The following PLSCR2 variants were observed in gnomAD, a reference collection of about 807,000 sequenced individuals.
The protein encoded by PLSCR2 is PL scramblase 2.
PLSCR2 carries 18 observed loss-of-function variants against 25.3 expected under a neutral mutation model. The observed-to-expected ratio is 0.71, with a 90% CI of 0.49 to 1.06. The LOEUF (loss-of-function observed/expected upper bound fraction) is 1.06, where lower values mean the gene tolerates loss of function less well. Among genes scored for constraint, PLSCR2 ranks in the 50% least tolerant of loss-of-function variants. The pLI is 0.00. For missense variants in PLSCR2, 243 were observed against 269.5 expected (o/e 0.90, Z 0.69); for synonymous variants, 88 against 87.3 (o/e 1.01, Z -0.04).
intron 3 of PLSCR2, among the ~76,000 whole-genome samples, chr3:146,394,299 C>T (rs947581304): frequency 6.6e-6 from 1 of 151,668 alleles, no homozygotes; most frequent in African/African-American, 2.4e-5. Context: ...TGGAGTTTCG[C>T]TCTTGTTGTC....
At chr3:146,470,982 G>T (rs560900688) in intron 1 of PLSCR2, among the ~76,000 whole-genome samples, 1 of 152,116 alleles carries the variant, frequency 6.6e-6, no homozygotes, top group Admixed American at 6.5e-5. Flanking sequence ...TAGAGTAAGC[G>T]CTCAGTAAAT....
chr3:146,482,108 T>TA (rs1410777339), intron 1 of PLSCR2, among the ~76,000 whole-genome samples: 12 of 152,012 alleles, frequency 7.9e-5, no homozygotes, highest in African/African-American at 2.9e-4. Flanking sequence ...ATTTTAGACC[T>TA]AAACCATAAA....
exon 2 of PLSCR2, chr3:146,460,004 G>A: frequency 1.9e-6 from 3 of 1,611,094 alleles, no homozygotes; most frequent in East Asian, 2.2e-5. Flanking sequence ...CTGGGTAGAA[G>A]GCCTGGGAGC....
In PLSCR2 at chr3:146,433,299, T is replaced by C. The variant is rs1345056353; in HGVS notation, c.*253A>G. 8 of 152,172 alleles carry C rather than the reference T, an allele frequency of 5.3e-5. No individual in the cohort carries two copies. In the East Asian group the frequency reaches 1.3e-3, roughly 26 times the overall value. The allele number at this position is 152,172 out of a possible 1,614,324, so 9.4% of individuals were successfully genotyped here. A position where few individuals can be genotyped will look rare whatever the true frequency, so the allele number is the denominator to read the frequency against. ...AATTCAAATTAAGCCTTTTTTGCAA[T>C]ACCTAGTATTTTTATTAATTAACTT... On this transcript the variant is annotated 3_prime_UTR_variant, in exon 9 of 9. Transcript: ENST00000336685.
chr3:146,439,992 C>T (rs1344131869), downstream of PLSCR2, among the ~76,000 whole-genome samples: 2 of 152,184 alleles, frequency 1.3e-5, no homozygotes, highest in African/African-American at 4.8e-5. Context: ...TTCCTTCTAA[C>T]AGTCAGGACC....
intron 2 of PLSCR2, among the ~76,000 whole-genome samples, chr3:146,423,280 T>C (rs1025532015): frequency 6.8e-5 from 9 of 132,604 alleles, no homozygotes; most frequent in Non-Finnish European, 9.6e-5. Flanking sequence ...TCTCTCTCTC[T>C]CTCCCTGGCT....
At chr3:146,461,764 G>A (rs2041588391), upstream of PLSCR2, 2 of 703,534 alleles carry the variant, frequency 2.8e-6, no homozygotes. Context: ...CAAAGCAATA[G>A]GAAGAAGTTC....
rs898523102 is a variant in PLSCR2 at position 146,469,484 on chromosome 3, C to T, written c.-292-9200G>A. 1 of 980,892 alleles carries T rather than the reference C, an allele frequency of 1.0e-6. No individual in the cohort carries two copies. 60.8% of individuals were successfully genotyped at this position (980,892 alleles called of 1,614,324 possible). A position where few individuals can be genotyped will look rare whatever the true frequency, so the allele number is the denominator to read the frequency against. The stretch of plus-strand genomic sequence containing the variant: ...CCCATAGGGAGGCGACTGAGAAAGC[C>T]GCCCCCTTACCCGTGGCTGCAGCTG... On this transcript the variant is annotated intron_variant, in intron 1 of 8. Coordinates refer to the PLSCR2 transcript ENST00000336685.
At chr3:146,456,815 A>G (rs948078591) in intron 3 of PLSCR2, among the ~76,000 whole-genome samples, 10 of 152,154 alleles carry the variant, frequency 6.6e-5, no homozygotes, top group African/African-American at 2.2e-4. Flanking sequence ...GAAAATTAAA[A>G]ATGTCTTTTT....
At chr3:146,465,904 G>A (rs1012476111) in intron 1 of PLSCR2, among the ~76,000 whole-genome samples, 2 of 152,206 alleles carry the variant, frequency 1.3e-5, no homozygotes. Flanking sequence ...CCCTTGAATT[G>A]TGGTTTCAGT....
chr3:146,458,964 T>A (rs1183518942), intron 2 of PLSCR2, among the ~76,000 whole-genome samples: 1 of 152,114 alleles, frequency 6.6e-6, no homozygotes, highest in Non-Finnish European at 1.5e-5. Context: ...TGTGGAAAAT[T>A]AAGTTATTAT....
At chr3:146,434,927 C>A (rs1189484841) in intron 8 of PLSCR2, among the ~76,000 whole-genome samples, 2 of 126,744 alleles carry the variant, frequency 1.6e-5, no homozygotes, top group African/African-American at 5.8e-5. Context: ...CCCCCTCCCC[C>A]CACCCCATGA....
At chr3:146,486,961 T>G (rs2043367857) in intron 1 of PLSCR2, among the ~76,000 whole-genome samples, 1 of 152,164 alleles carries the variant, frequency 6.6e-6, no homozygotes, top group African/African-American at 2.4e-5. Flanking sequence ...AAAAAGTTTA[T>G]CCACCACGAT....
intron 2 of PLSCR2, among the ~76,000 whole-genome samples, chr3:146,424,132 TA>T (rs3048143): frequency 9.1e-4 from 134 of 146,940 alleles, no homozygotes; most frequent in African/African-American, 1.6e-3. Flanking sequence ...TTAAAGTATT[TA>T]AAAAAAAAAA....
rs531684156 is a variant in PLSCR2 at position 146,449,376 on chromosome 3, C to CAA, written c.484-11_484-10dup. 7,008 of 1,226,674 alleles carry CAA rather than the reference C, an allele frequency of 5.7e-3. No individual in the cohort carries two copies. The highest frequency in any genetic ancestry group is 8.9e-3 in the South Asian group (592 of 66,256). The allele number at this position is 1,226,674 out of a possible 1,614,324, so 76.0% of individuals were successfully genotyped here. The stretch of plus-strand genomic sequence containing the variant: ...TCATCAAGAGATGTAATCTAAATTG[C>CAA]AAAAAAAAAAAAAACTTAAAAATTT... On this transcript the variant is annotated splice_polypyrimidine_tract_variant and intron_variant, in intron 5 of 6. Transcript: ENST00000610787.
chr3:146,468,906 A>G (rs1219282560), intron 1 of PLSCR2, among the ~76,000 whole-genome samples: 4 of 152,222 alleles, frequency 2.6e-5, no homozygotes, highest in Non-Finnish European at 5.9e-5. Context: ...AAATGAGGCA[A>G]TGGAAAGAAC....
At chr3:146,408,941 A>G (rs980325583) in intron 2 of PLSCR2, among the ~76,000 whole-genome samples, 1 of 151,760 alleles carries the variant, frequency 6.6e-6, no homozygotes, top group East Asian at 1.9e-4. Context: ...CCTCCAGTCT[A>G]TTGGCTGATG....
chr3:146,470,761 GAT>G (rs1156630201), intron 1 of PLSCR2, among the ~76,000 whole-genome samples: 3 of 152,042 alleles, frequency 2.0e-5, no homozygotes, highest in African/African-American at 7.2e-5. Context: ...GAGAAAATAA[GAT>G]AGAAAAAGGA....
intron 2 of PLSCR2, among the ~76,000 whole-genome samples, chr3:146,414,595 G>A (rs528953444): frequency 9.2e-6 from 1 of 109,252 alleles, no homozygotes; most frequent in African/African-American, 3.1e-5. Context: ...GGCAATGATA[G>A]TATTTTTTTT....
Sources: gnomAD v4.1 joint callset for allele counts (sites outside exome capture counted in the v4.1 genomes callset) on GRCh38, gnomAD v4.1.1 for gene constraint, MANE v1.5 for transcripts, NCBI Gene and HGNC (gene_info 2026-07-23, HGNC 2026-07-21) for gene names.